ABCD3: variants seen among roughly 807,000 people sequenced by gnomAD.
ABCD3 encodes the protein ATP-binding cassette sub-family D member 3.
A neutral mutation model predicts 105.5 loss-of-function variants in ABCD3; 41 were observed. That is an observed-to-expected ratio of 0.39 (90% CI 0.30 to 0.50). The LOEUF is 0.50. Among genes scored for constraint, ABCD3 ranks in the 20% least tolerant of loss-of-function variants. The probability of loss-of-function intolerance (pLI) is 0.84; values close to 1 mark genes in which losing one functional copy is unlikely to be tolerated. For missense variants in ABCD3, 622 were observed against 806.3 expected, an observed-to-expected ratio of 0.77 and a Z score of 2.77; for synonymous variants, 258 against 269.0, an observed-to-expected ratio of 0.96 and a Z score of 0.40.
chr1:94,444,683 C>A (rs1306110818), intron 1 of ABCD3, among the ~76,000 whole-genome samples: 3 of 152,132 alleles, frequency 2.0e-5, no homozygotes, highest in Non-Finnish European at 4.4e-5. Context: ...TTTTCACCAC[C>A]CCAAAGTTCA....
the ABCD3 span, among the ~76,000 whole-genome samples, chr1:94,394,230 A>T: frequency 6.6e-6 from 1 of 152,296 alleles, no homozygotes; most frequent in African/African-American, 2.4e-5. Context: ...CACAATTAGC[A>T]TAATGTAACC....
chr1:94,387,992 T>C, the ABCD3 span, among the ~76,000 whole-genome samples: 2 of 152,156 alleles, frequency 1.3e-5, no homozygotes, highest in Non-Finnish European at 2.9e-5. Flanking sequence ...AGTCACTTGC[T>C]CAAAGGTCAC....
chr1:94,392,444 T>G, the ABCD3 span, among the ~76,000 whole-genome samples: 14 of 152,302 alleles, frequency 9.2e-5, no homozygotes, highest in East Asian at 2.5e-3. Context: ...TCAGTGAGAT[T>G]TTGAAGTTGT....
At chr1:94,457,948 C>A (rs1647661936) in intron 1 of ABCD3, among the ~76,000 whole-genome samples, 1 of 152,090 alleles carries the variant, frequency 6.6e-6, no homozygotes, top group Admixed American at 6.6e-5. Context: ...ATACATCCAA[C>A]AAGAAATTTA....
chr1:94,513,886 T>C (rs1650802432), intron 21 of ABCD3: 1 of 152,022 alleles, frequency 6.6e-6, no homozygotes, highest in South Asian at 2.1e-4. Context: ...ACTGATAATA[T>C]GCTTATTTTA....
chr1:94,514,977 A>C, intron 21 of ABCD3, 169 bp from the exon 22 acceptor site: 3 of 606,926 alleles, frequency 4.9e-6, no homozygotes, highest in Non-Finnish European at 8.8e-6. Context: ...GATGGCCAGT[A>C]CTTTCCATTG....
chr1:94,445,473 G>T (rs902015613), intron 1 of ABCD3, among the ~76,000 whole-genome samples: 1 of 152,150 alleles, frequency 6.6e-6, no homozygotes. Context: ...GCTCTGGTTC[G>T]TTCCACCTTG....
At chr1:94,456,720 A>G (rs972715432) in intron 1 of ABCD3, among the ~76,000 whole-genome samples, 3 of 151,994 alleles carry the variant, frequency 2.0e-5, no homozygotes, top group African/African-American at 7.3e-5. Flanking sequence ...GAGAGTGCAG[A>G]TACCTCTTTG....
intron 1 of ABCD3, among the ~76,000 whole-genome samples, chr1:94,438,777 T>C (rs1660026418): frequency 6.6e-6 from 1 of 152,134 alleles, no homozygotes; most frequent in Non-Finnish European, 1.5e-5. Flanking sequence ...GTATGTCCAT[T>C]GATTTTTTTT....
In ABCD3 at chr1:94,510,986, T is replaced by C. The variant is rs536187427; in HGVS notation, c.1846-4160T>C. Among the ~76,000 whole-genome samples, 640 of 152,234 alleles carry C rather than the reference T, an allele frequency of 4.2e-3. 7 individuals carry two copies. Among genetic ancestry groups the C allele is most frequent in the African/African-American group, 0.015 (621 of 41,498 alleles). On this transcript the variant is annotated intron_variant, in intron 21 of 22. Transcript: ENST00000370214. ...TCTTTTAATTGGAGCATTTAGTCCATTTACATTTAAAGTTAATAATGTTAT... is the reference window on the plus strand; with the variant it reads ...TCTTTTAATTGGAGCATTTAGTCCACTTACATTTAAAGTTAATAATGTTAT...
intron 20 of ABCD3, among the ~76,000 whole-genome samples, chr1:94,503,093 G>T (rs1240890915): frequency 2.6e-5 from 4 of 152,128 alleles, no homozygotes; most frequent in Non-Finnish European, 5.9e-5. Context: ...GTTAGTGGTA[G>T]TGTATTTTAT....
At chr1:94,507,325 A>AT (rs1257215309) in intron 21 of ABCD3, among the ~76,000 whole-genome samples, 5 of 152,044 alleles carry the variant, frequency 3.3e-5, no homozygotes, top group Non-Finnish European at 5.9e-5. Context: ...TGAACTCATC[A>AT]TTTTTTATGG....
In ABCD3 at chr1:94,517,471, G is replaced by T; in HGVS notation, c.*342G>T. On this transcript the variant is annotated 3_prime_UTR_variant, in exon 23 of 23. Coordinates refer to ENST00000370214, the MANE Select transcript of ABCD3 (RefSeq NM_002858.4). ...CGAAGTCAGCTAATTGGACTTTTAT[G>T]GCTCTATCTTTTCCTTCAGTGAAGA... The T allele has an allele frequency of 3.6e-6, 1 of 276,076 alleles. No homozygotes were observed. The allele number at this position is 276,076 out of a possible 1,614,324, so 17.1% of individuals were successfully genotyped here.
chr1:94,467,838 C>A, intron 3 of ABCD3, 81 bp from the exon 4 acceptor site: 1 of 1,010,544 alleles, frequency 9.9e-7, no homozygotes, highest in Non-Finnish European at 1.5e-6. Context: ...GATTTGGAAA[C>A]CAAAAATTGT....
chr1:94,481,244 A>G (rs1238493523), intron 9 of ABCD3, among the ~76,000 whole-genome samples: 1 of 152,238 alleles, frequency 6.6e-6, no homozygotes, highest in Non-Finnish European at 1.5e-5. Flanking sequence ...CAACTGCTCA[A>G]TAAATGTTCT....
chr1:94,418,378 T>C (rs1262164452), upstream of ABCD3: 8 of 1,087,982 alleles, frequency 7.4e-6, no homozygotes, highest in African/African-American at 8.0e-5. Context: ...GGCCCCGCCC[T>C]CTGCTCTCCT....
intron 16 of ABCD3, among the ~76,000 whole-genome samples, chr1:94,493,788 T>C (rs1297821906): frequency 1.3e-5 from 2 of 152,186 alleles, no homozygotes; most frequent in Non-Finnish European, 2.9e-5. Context: ...GTTCATGTCC[T>C]TTGTAGGGAC....
rs138378383 is a variant in ABCD3, at chr1:94,473,821, G to A, written c.391G>A (p.Ala131Thr). ...CAAGAGATACTTACTCAACTTCATC[G>A]CTGCCATGCCTCTTGTAAGTTTAAT... is the stretch of plus-strand genomic sequence containing the variant. ...DFKRYLLNFI[A>T]AMPLISLVNN... Residue 131 changes from alanine (A) to threonine (T), a missense_variant, in exon 5 of 23, where the codon GCT (alanine) becomes ACT (threonine). Physicochemically the swap from Ala to Thr is moderately conservative, Grantham distance 58. Around this residue, in one of 4 missense-constraint regions of ABCD3, gnomAD observed 245 missense variants for 356.4 expected, o/e 0.69. Coordinates refer to ENST00000370214, the MANE Select transcript of ABCD3 (RefSeq NM_002858.4). 5.1e-5 allele frequency: 82 copies of A among 1,611,980 alleles called. No homozygotes were observed. The highest frequency in any genetic ancestry group is 6.4e-5 in the Non-Finnish European group (76 of 1,178,970).
chr1:94,506,698 A>G lies in ABCD3; in HGVS notation c.1845+56A>G, dbSNP rs185653249. Reference sequence around the variant, plus strand: ...CATGGCCTCCTACCTAGTGTAAACTATGTCCAAATCTGTCCAAAGAGAAGA... The same window carrying G: ...CATGGCCTCCTACCTAGTGTAAACTGTGTCCAAATCTGTCCAAAGAGAAGA... On this transcript the variant is annotated intron_variant, in intron 21 of 22. Transcript: ENST00000370214. 7.8e-6 allele frequency: 10 copies of G among 1,280,978 alleles called. No homozygotes were observed. In the Admixed American group the frequency reaches 1.3e-4, roughly 17 times the overall value. The allele number at this position is 1,280,978 out of a possible 1,614,324, so 79.4% of individuals were successfully genotyped here.
Sources: allele counts gnomAD v4.1 joint callset (sites outside exome capture counted in the v4.1 genomes callset), GRCh38; gene constraint gnomAD v4.1.1; regional missense constraint gnomAD v4.1.1; transcripts MANE v1.5; gene names NCBI Gene and HGNC (gene_info 2026-07-23, HGNC 2026-07-21).